NFYB: variants seen among roughly 807,000 people sequenced by gnomAD.
NFYB encodes nuclear transcription factor Y subunit beta, also known as CAAT box DNA-binding protein subunit B.
A neutral mutation model predicts 28.0 loss-of-function variants in NFYB; 13 were observed. The observed-to-expected ratio is 0.46, with a 90% CI of 0.30 to 0.74. NFYB has a LOEUF of 0.74. Among genes scored for constraint, NFYB ranks in the 30% least tolerant of loss-of-function variants. NFYB has a pLI of 0.07. For synonymous variants in NFYB, 74 were observed against 75.0 expected (o/e 0.99, Z 0.07); for missense variants, 142 against 247.6 (o/e 0.57, Z 2.86).
chr12:104,134,384 T>C (rs187673920), intron 2 of NFYB, among the ~76,000 whole-genome samples: 1 of 152,310 alleles, frequency 6.6e-6, no homozygotes, highest in Admixed American at 6.5e-5. Flanking sequence ...CCCTTTCCAC[T>C]ACTGTAATTC....
chr12:104,130,029 AG>A (rs1314444432), intron 2 of NFYB, among the ~76,000 whole-genome samples: 1 of 152,270 alleles, frequency 6.6e-6, no homozygotes, highest in African/African-American at 2.4e-5. Flanking sequence ...TCTGGAAAAA[AG>A]TAAATCATAA....
At chr12:104,123,048 C>T (rs1467289993) in intron 5 of NFYB, among the ~76,000 whole-genome samples, 178 bp downstream of exon 5, 11 of 151,716 alleles carry the variant, frequency 7.3e-5, no homozygotes, top group Admixed American at 3.9e-4. Context: ...TGGTGGTGCA[C>T]GCCTGTAATC....
At chr12:104,125,969 T>C in intron 4 of NFYB, 145 bp downstream of exon 4, 3 of 718,878 alleles carry the variant, frequency 4.2e-6, no homozygotes, top group East Asian at 3.2e-5. Context: ...GTTCAGTAAC[T>C]GTGTATGTAG....
Position 104,119,594 on chromosome 12 carries a change from A to G in NFYB, c.*143T>C, listed in dbSNP as rs1013538953. Reference sequence around the variant, plus strand: ...TTCTCAAGTCAGAATTAACACCTCAATTAGTCAAGCATCAGGAAGCTACAT... The same window carrying G: ...TTCTCAAGTCAGAATTAACACCTCAGTTAGTCAAGCATCAGGAAGCTACAT... On this transcript the variant is annotated 3_prime_UTR_variant, in exon 8 of 8. Coordinates refer to ENST00000240055, the MANE Select transcript of NFYB (RefSeq NM_006166.4). 8.5e-5 allele frequency: 46 copies of G among 542,278 alleles called. No homozygotes were observed. The highest frequency in any genetic ancestry group is 4.2e-4 in the Middle Eastern group (1 of 2,354). 33.6% of individuals were successfully genotyped at this position (542,278 alleles called of 1,614,324 possible).
chr12:104,119,829 T>C, intron 7 of NFYB, 60 bp from the exon 8 acceptor site: 1 of 1,059,594 alleles, frequency 9.4e-7, no homozygotes, highest in Non-Finnish European at 1.4e-6. Flanking sequence ...AAGTACCATA[T>C]GCATATTATA....
Position 104,119,518 on chromosome 12 carries a change from T to C in NFYB, c.*219A>G. The C allele has an allele frequency of 2.2e-6, 1 of 450,502 alleles. No individual in the cohort carries two copies. Among genetic ancestry groups the C allele is most frequent in the East Asian group, 3.2e-5 (1 of 31,032 alleles). 27.9% of individuals were successfully genotyped at this position (450,502 alleles called of 1,614,324 possible). A position where few individuals can be genotyped will look rare whatever the true frequency, so the allele number is the denominator to read the frequency against. ...AAACTCTCGTACAAAACAAAAATAT[T>C]TTAATACCTTTAAAATCCAAATTTT... On this transcript the variant is annotated 3_prime_UTR_variant, in exon 8 of 8. Coordinates refer to ENST00000240055, the MANE Select transcript of NFYB (RefSeq NM_006166.4).
At chr12:104,131,380 T>C in intron 2 of NFYB, 1 of 188,290 alleles carries the variant, frequency 5.3e-6, no homozygotes, top group South Asian at 9.1e-5. Flanking sequence ...TTTAGCTTTC[T>C]ATCATTTCAC....
Position 104,119,544 on chromosome 12 carries a change from TCTTTAAAATCATTC to T in NFYB, c.*179_*192del. On this transcript the variant is annotated 3_prime_UTR_variant, in exon 8 of 8. Coordinates refer to ENST00000240055, the MANE Select transcript of NFYB (RefSeq NM_006166.4). The stretch of plus-strand genomic sequence containing the variant: ...TTAATACCTTTAAAATCCAAATTTT[TCTTTAAAATCATTC>T]ATGAAAAAGATTCTCAAGTCAGAAT... The T allele has an allele frequency of 2.1e-6, 1 of 480,856 alleles. No homozygotes were observed. Among genetic ancestry groups the T allele is most frequent in the African/African-American group, 1.9e-5 (1 of 52,050 alleles). 29.8% of individuals were successfully genotyped at this position (480,856 alleles called of 1,614,324 possible).
At position 104,120,469 on chromosome 12, in the gene NFYB, T is replaced by C. The variant is rs756006149; in HGVS notation, c.522A>G (p.Leu174=). The change falls in exon 7 of 8, where the codon TTA becomes TTG. Residue 174 remains leucine, a synonymous_variant. Coordinates refer to ENST00000240055, the MANE Select transcript of NFYB (RefSeq NM_006166.4). The part of the protein sequence containing the change: ...ELTEEAFTNQ[L]PAGLITTDGQ... ...CGTCTGTGGTTATTAAGCCAGCTGG[T>C]AACTGGTTAGCTAAAAGAAAAAAAA... 2 of 1,613,604 alleles carry C rather than the reference T, an allele frequency of 1.2e-6. No individual in the cohort carries two copies. The highest frequency in any genetic ancestry group is 1.7e-5 in the Admixed American group (1 of 60,020).
At chr12:104,121,770 C>A (rs1234658402) in intron 5 of NFYB, among the ~76,000 whole-genome samples, 1 of 152,148 alleles carries the variant, frequency 6.6e-6, no homozygotes, top group Non-Finnish European at 1.5e-5. Flanking sequence ...CCAAATACTT[C>A]TAGGTTCCTA....
At chr12:104,126,789 G>A (rs2030733752) in intron 3 of NFYB, among the ~76,000 whole-genome samples, 1 of 152,134 alleles carries the variant, frequency 6.6e-6, no homozygotes, top group Non-Finnish European at 1.5e-5. Context: ...TTAAGAGGTT[G>A]TATGTTTCTC....
chr12:104,136,629 A>G (rs1353768067), intron 1 of NFYB, among the ~76,000 whole-genome samples: 2 of 152,124 alleles, frequency 1.3e-5, no homozygotes, highest in Non-Finnish European at 1.5e-5. Context: ...CATGGGAGCT[A>G]TATTTATGTA....
At chr12:104,134,072 G>A (rs1011688577) in intron 2 of NFYB, among the ~76,000 whole-genome samples, 3 of 152,030 alleles carry the variant, frequency 2.0e-5, no homozygotes, top group South Asian at 2.1e-4. Context: ...GCTACTACTC[G>A]CCACACATTT....
intron 5 of NFYB, among the ~76,000 whole-genome samples, 174 bp from the exon 6 acceptor site, chr12:104,121,495 T>C (rs1004091768): frequency 6.6e-6 from 1 of 152,208 alleles, no homozygotes; most frequent in African/African-American, 2.4e-5. Context: ...GGCTAACTTT[T>C]AATATAAGCT....
At chr12:104,122,902 T>C (rs2030533874) in intron 5 of NFYB, among the ~76,000 whole-genome samples, 1 of 151,974 alleles carries the variant, frequency 6.6e-6, no homozygotes, top group African/African-American at 2.4e-5. Flanking sequence ...GGGCCGGGCA[T>C]GGTGGCTCAC....
At chr12:104,121,343 GTC>G in intron 5 of NFYB, 22 bp from the exon 6 acceptor site, 3 of 1,522,820 alleles carry the variant, frequency 2.0e-6, no homozygotes, top group Non-Finnish European at 2.7e-6. Flanking sequence ...AAAAAAAAAA[GTC>G]ACTGATATTC....
At chr12:104,122,987 C>T (rs2030537875) in intron 5 of NFYB, among the ~76,000 whole-genome samples, 1 of 151,838 alleles carries the variant, frequency 6.6e-6, no homozygotes, top group Non-Finnish European at 1.5e-5. Flanking sequence ...CCAGCCTGGC[C>T]AACATGGTGT....
intron 3 of NFYB, among the ~76,000 whole-genome samples, chr12:104,127,491 C>T (rs1173225591): frequency 6.6e-6 from 1 of 151,560 alleles, no homozygotes; most frequent in Admixed American, 6.6e-5. Flanking sequence ...TTGCTTGAAC[C>T]CAGGAGGCGG....
chr12:104,133,284 C>A (rs1392426283), intron 2 of NFYB, among the ~76,000 whole-genome samples: 1 of 152,226 alleles, frequency 6.6e-6, no homozygotes, highest in Non-Finnish European at 1.5e-5. Flanking sequence ...ATGCCAACTA[C>A]TCTCTACAGC....
Sources: gnomAD v4.1 joint callset for allele counts (sites outside exome capture counted in the v4.1 genomes callset) on GRCh38, gnomAD v4.1.1 for gene constraint, MANE v1.5 for transcripts, NCBI Gene and HGNC (gene_info 2026-07-23, HGNC 2026-07-21) for gene names.